HBP1: variants seen among roughly 807,000 people sequenced by gnomAD.
HBP1 encodes the protein HMG-box transcription factor 1, also known as HMG box-containing protein 1.
HBP1 carries 20 observed loss-of-function variants against 62.6 expected under a neutral mutation model. The observed-to-expected ratio is 0.32, with a 90% CI of 0.22 to 0.46. HBP1 has a LOEUF of 0.46. HBP1 is among the 20% of genes least tolerant of loss of function. The probability of loss-of-function intolerance (pLI) is 1.00; values close to 1 mark genes in which losing one functional copy is unlikely to be tolerated. For missense variants in HBP1, 480 were observed against 611.8 expected (o/e 0.78, Z 2.27); for synonymous variants, 232 against 206.2 (o/e 1.12, Z -1.07).
intron 8 of HBP1, among the ~76,000 whole-genome samples, chr7:107,191,058 A>G (rs1797625908): frequency 6.6e-6 from 1 of 152,170 alleles, no homozygotes; most frequent in Non-Finnish European, 1.5e-5. Context: ...TCTGGGATTT[A>G]AAGACTCATT....
intron 1 of HBP1, among the ~76,000 whole-genome samples, chr7:107,177,687 G>A (rs1223765775): frequency 4.6e-5 from 7 of 152,146 alleles, no homozygotes; most frequent in Admixed American, 4.6e-4. Flanking sequence ...AAATGCTTAT[G>A]AACTTATATT....
rs1278347808 is a variant in HBP1 at position 107,179,979 on chromosome 7, A to G, written c.86A>G (p.Asn29Ser). Residue 29 changes from asparagine to serine, a missense_variant, in exon 2 of 11, where the codon AAT becomes AGT. Coordinates refer to ENST00000222574, the MANE Select transcript of HBP1 (RefSeq NM_012257.4). ...ATGGACAAGAGAGCCTCAGGAATGAATGACTCATTGGAGTTGCTGCAGTGT... is the reference window on the plus strand; with the variant it reads ...ATGGACAAGAGAGCCTCAGGAATGAGTGACTCATTGGAGTTGCTGCAGTGT... ...LVMDKRASGM[N>S]DSLELLQCNE... is the part of the protein sequence containing the mutation. The G allele has an allele frequency of 1.2e-6, 2 of 1,611,744 alleles. No homozygotes were observed. Among genetic ancestry groups the G allele is most frequent in the South Asian group, 1.1e-5 (1 of 90,966 alleles).
rs1798348527 is a variant in HBP1, at chr7:107,201,922, C to G, written c.*491C>G. 1 of 152,918 alleles carries G rather than the reference C, an allele frequency of 6.5e-6. No homozygotes were observed. Among genetic ancestry groups the G allele is most frequent in the Non-Finnish European group, 1.5e-5 (1 of 68,270 alleles). The allele number at this position is 152,918 out of a possible 1,614,324, so 9.5% of individuals were successfully genotyped here. On this transcript the variant is annotated 3_prime_UTR_variant, in exon 11 of 11. Coordinates refer to ENST00000222574, the MANE Select transcript of HBP1 (RefSeq NM_012257.4). The stretch of plus-strand genomic sequence containing the variant: ...CCACCACATGGCTCAGCATCTGTGC[C>G]AAACATAGGCGCTCCTAGTCTGGTC...
chr7:107,185,092 G>A (rs1439218899), intron 3 of HBP1, among the ~76,000 whole-genome samples: 1 of 152,124 alleles, frequency 6.6e-6, no homozygotes, highest in Non-Finnish European at 1.5e-5. Context: ...ATGCTCCTGG[G>A]AGCTCCATAT....
intron 3 of HBP1, among the ~76,000 whole-genome samples, chr7:107,183,150 T>C (rs2115867946): frequency 6.6e-6 from 1 of 152,284 alleles, no homozygotes; most frequent in Middle Eastern, 3.4e-3. Flanking sequence ...TGCTATGAAA[T>C]TACGGAAGCT....
Position 107,170,982 on chromosome 7 carries a change from T to C in HBP1, c.-16+1797T>C, listed in dbSNP as rs188845544. Among the ~76,000 whole-genome samples, 1,183 of 143,612 alleles carry C rather than the reference T, an allele frequency of 8.2e-3. 31 individuals are homozygous for C. Among genetic ancestry groups the C allele is most frequent in the African/African-American group, 0.029 (1,093 of 37,896 alleles). The allele number at this position is 143,612 out of a possible 152,430, so 94.2% of individuals were successfully genotyped here. On this transcript the variant is annotated intron_variant, in intron 1 of 10. Coordinates refer to ENST00000222574, the MANE Select transcript of HBP1 (RefSeq NM_012257.4). ...ATATATAAAATATATAACATACATG[T>C]ATATATATAAAATATATAACATATA...
At position 107,171,062 on chromosome 7, in the gene HBP1, TATATA is replaced by T. The variant is rs1562881908; in HGVS notation, c.-16+1878_-16+1882del. ...ACATGTATAAATATATATATATATA[TATATA>T]TATATATTTTTTTTTTTTTTTGAGA... On this transcript the variant is annotated intron_variant, in intron 1 of 10. Transcript: ENST00000222574. Among the ~76,000 whole-genome samples the T allele has an allele frequency of 8.8e-4, 59 of 67,324 alleles. 1 individual carries two copies. Among genetic ancestry groups the T allele is most frequent in the South Asian group, 1.3e-3 (4 of 3,006 alleles). The allele number at this position is 67,324 out of a possible 152,430, so 44.2% of individuals were successfully genotyped here.
intron 1 of HBP1, among the ~76,000 whole-genome samples, chr7:107,177,620 G>A (rs995388656): frequency 7.2e-5 from 11 of 152,022 alleles, no homozygotes; most frequent in African/African-American, 1.9e-4. Context: ...AGTGAATTTC[G>A]GTACATCCTT....
rs1554380347 is a variant in HBP1 at position 107,171,074 on chromosome 7, T to TATA, written c.-16+1889_-16+1890insATA. 5.1e-3 allele frequency among the ~76,000 whole-genome samples: 190 copies of TATA among 37,386 alleles called. 4 individuals are homozygous for TATA. The highest frequency in any genetic ancestry group is 6.2e-3 in the Non-Finnish European group (128 of 20,810). The allele number at this position is 37,386 out of a possible 152,430, so 24.5% of individuals were successfully genotyped here. A position where few individuals can be genotyped will look rare whatever the true frequency, so the allele number is the denominator to read the frequency against. On this transcript the variant is annotated intron_variant, in intron 1 of 10. Coordinates refer to ENST00000222574, the MANE Select transcript of HBP1 (RefSeq NM_012257.4). ...ATATATATATATATATATATATATA[T>TATA]TTTTTTTTTTTTTTGAGAGGGAGTC...
chr7:107,174,428 T>G (rs1790090298), intron 1 of HBP1: 2 of 975,132 alleles, frequency 2.1e-6, no homozygotes, highest in Non-Finnish European at 2.4e-6. Flanking sequence ...AAATAATGTC[T>G]TTTTCCAACT....
chr7:107,173,615 CCTT>C (rs763032370), intron 1 of HBP1: 1 of 152,274 alleles, frequency 6.6e-6, no homozygotes, highest in South Asian at 2.1e-4. Flanking sequence ...AAAACTGTTT[CCTT>C]CTTCATTCAT....
At position 107,201,413 on chromosome 7, in the gene HBP1, G is replaced by C; in HGVS notation, c.1528-1G>C. The C allele has an allele frequency of 6.4e-7, 1 of 1,570,292 alleles. No individual in the cohort carries two copies. Among genetic ancestry groups the C allele is most frequent in the Non-Finnish European group, 8.8e-7 (1 of 1,141,610 alleles). On this transcript the variant is annotated splice_acceptor_variant, in intron 10 of 10. Coordinates refer to ENST00000222574, the MANE Select transcript of HBP1 (RefSeq NM_012257.4). LOFTEE classifies it high-confidence loss of function. ...CACTGAGTTTAATTTTATTTCCACA[G>C]GGCTCACAACAACATTAAACCAGGA...
intron 9 of HBP1, among the ~76,000 whole-genome samples, chr7:107,197,626 T>C (rs528377507): frequency 1.3e-5 from 2 of 152,300 alleles, no homozygotes; most frequent in South Asian, 4.1e-4. Context: ...CACCTTGGCC[T>C]CCCAAAATGC....
chr7:107,199,737 T>A (rs1164995971), intron 9 of HBP1, among the ~76,000 whole-genome samples: 2 of 152,250 alleles, frequency 1.3e-5, no homozygotes, highest in African/African-American at 4.8e-5. Context: ...TGTAGTCTTA[T>A]CAGTTTAACT....
chr7:107,195,114 C>A (rs1473726834), intron 8 of HBP1, among the ~76,000 whole-genome samples: 1 of 152,148 alleles, frequency 6.6e-6, no homozygotes. Context: ...ATCTGCCTCC[C>A]TGGTTCAAGC....
At chr7:107,174,940 G>GTTTTTTT (rs796893857) in intron 1 of HBP1, among the ~76,000 whole-genome samples, 14 of 152,168 alleles carry the variant, frequency 9.2e-5, no homozygotes, top group African/African-American at 3.4e-4. Flanking sequence ...AATATTAGGT[G>GTTTTTTT]TTTAAAGAAC....
At chr7:107,172,476 A>T (rs1796646362) in intron 1 of HBP1, among the ~76,000 whole-genome samples, 2 of 152,170 alleles carry the variant, frequency 1.3e-5, no homozygotes, top group Non-Finnish European at 1.5e-5. Context: ...GTTTCATAAG[A>T]ATTTTTAGAT....
chr7:107,174,773 G>T, intron 1 of HBP1: 1 of 892,408 alleles, frequency 1.1e-6, no homozygotes. Flanking sequence ...TTTCAGTTCA[G>T]ATAAGGTTGA....
In HBP1 at chr7:107,169,163, G is replaced by T; in HGVS notation, c.-38G>T. ...GTCGTGGCCGGAGCGGCCCGCGCCT[G>T]GGCTGCCGGCACTTCGCGGCAGGTT... On this transcript the variant is annotated 5_prime_UTR_variant, in exon 1 of 11. Coordinates refer to ENST00000222574, the MANE Select transcript of HBP1 (RefSeq NM_012257.4). 2.7e-6 allele frequency: 3 copies of T among 1,130,812 alleles called. No homozygotes were observed. In the South Asian group the frequency reaches 5.1e-5, roughly 19 times the overall value. 70.0% of individuals were successfully genotyped at this position (1,130,812 alleles called of 1,614,324 possible).
Sources: allele counts gnomAD v4.1 joint callset (sites outside exome capture counted in the v4.1 genomes callset), GRCh38; gene constraint gnomAD v4.1.1; transcripts MANE v1.5; gene names NCBI Gene and HGNC (gene_info 2026-07-23, HGNC 2026-07-21).